The following STIM1 variants were observed in gnomAD, a reference collection of about 807,000 sequenced individuals.
STIM1 encodes stromal interaction molecule 1.
A neutral mutation model predicts 74.7 loss-of-function variants in STIM1; 25 were observed. The observed-to-expected ratio is 0.33, with a 90% CI of 0.24 to 0.47. The LOEUF (loss-of-function observed/expected upper bound fraction) is 0.47. STIM1 is among the 20% of genes least tolerant of loss of function. The pLI is 1.00. For missense variants in STIM1, 728 were observed against 920.8 expected (o/e 0.79, Z 2.71); for synonymous variants, 328 against 348.8 (o/e 0.94, Z 0.66).
chr11:3,903,631 G>A (rs1005274714), intron 1 of STIM1: 1 of 152,236 alleles, frequency 6.6e-6, no homozygotes, highest in African/African-American at 2.4e-5. Flanking sequence ...CTCTTGTGGG[G>A]TCAGTCCATC....
At chr11:3,995,106 G>T (rs1406455394) in intron 2 of STIM1, among the ~76,000 whole-genome samples, 2 of 149,882 alleles carry the variant, frequency 1.3e-5, no homozygotes, top group Non-Finnish European at 3.0e-5. Flanking sequence ...TTAATCTTTG[G>T]ACATATTTAT....
intron 5 of STIM1, among the ~76,000 whole-genome samples, chr11:4,069,739 T>C: frequency 6.6e-6 from 1 of 152,268 alleles, no homozygotes; most frequent in East Asian, 1.9e-4. Context: ...GAGAAGGCAC[T>C]AGTTCTCTCC....
At chr11:4,027,300 CTTTTCTTTTTTTTCTT>C (rs1326779556) in intron 3 of STIM1, among the ~76,000 whole-genome samples, 3 of 151,944 alleles carry the variant, frequency 2.0e-5, no homozygotes, top group South Asian at 4.2e-4. Context: ...GGGGATTCGC[CTTTTCTTTTTTTTCTT>C]TTTTCTTTTT....
At chr11:3,922,809 C>T (rs920028906) in intron 1 of STIM1, 1 of 151,884 alleles carries the variant, frequency 6.6e-6, no homozygotes, top group Non-Finnish European at 1.5e-5. Flanking sequence ...AAAAATAACT[C>T]TTTGCAGGCC....
At chr11:3,960,581 T>C (rs1393561356) in intron 1 of STIM1, among the ~76,000 whole-genome samples, 3 of 152,256 alleles carry the variant, frequency 2.0e-5, no homozygotes, top group Non-Finnish European at 2.9e-5. Context: ...TGGATTTTAA[T>C]GTTAGAGGGT....
chr11:4,033,032 G>A (rs1410485535), intron 3 of STIM1, among the ~76,000 whole-genome samples: 1 of 152,010 alleles, frequency 6.6e-6, no homozygotes, highest in Non-Finnish European at 1.5e-5. Flanking sequence ...ATTGATTTTT[G>A]TATAAGGTGT....
At chr11:4,068,207 T>C (rs2094380555) in intron 5 of STIM1, among the ~76,000 whole-genome samples, 1 of 152,196 alleles carries the variant, frequency 6.6e-6, no homozygotes, top group Admixed American at 6.5e-5. Flanking sequence ...TGGATGAGAA[T>C]ATGAAGCTGG....
chr11:3,860,094 CATAA>C (rs1240771264), intron 1 of STIM1, among the ~76,000 whole-genome samples: 1 of 152,060 alleles, frequency 6.6e-6, no homozygotes, highest in African/African-American at 2.4e-5. Context: ...ATAATAAACA[CATAA>C]ATAAATATAT....
At chr11:4,074,730 G>A (rs1161654919) in intron 7 of STIM1, 51 bp downstream of exon 7, 31 of 1,539,234 alleles carry the variant, frequency 2.0e-5, no homozygotes, top group Non-Finnish European at 2.6e-5. Flanking sequence ...GTAAAGGGCA[G>A]GGGCCCAGGG....
At chr11:3,974,945 A>G (rs1469269317) in intron 2 of STIM1, among the ~76,000 whole-genome samples, 6 of 152,184 alleles carry the variant, frequency 3.9e-5, no homozygotes, top group African/African-American at 1.2e-4. Flanking sequence ...GAGCAGTGCT[A>G]TTTTCTTTTC....
chr11:3,917,432 T>A (rs1252517613), intron 1 of STIM1, among the ~76,000 whole-genome samples: 1 of 149,002 alleles, frequency 6.7e-6, no homozygotes, highest in Non-Finnish European at 1.5e-5. Context: ...TCACAGGGTT[T>A]CTGTTTTTTT....
At chr11:3,877,095 C>CCTTAAGGCTTTACTTAAG (rs2091329518) in intron 1 of STIM1, among the ~76,000 whole-genome samples, 1 of 144,390 alleles carries the variant, frequency 6.9e-6, no homozygotes, top group African/African-American at 2.7e-5. Context: ...TTACAGTAAG[C>CCTTAAGGCTTTACTTAAG]GCTTAAGGAA....
chr11:3,967,444 T>A, intron 1 of STIM1, 108 bp from the exon 2 acceptor site: 1 of 1,547,920 alleles, frequency 6.5e-7, no homozygotes. Flanking sequence ...GCCAGTTAAG[T>A]GCCTACATGA....
intron 1 of STIM1, among the ~76,000 whole-genome samples, chr11:3,963,259 C>T (rs2093306719): frequency 6.6e-6 from 1 of 152,152 alleles, no homozygotes; most frequent in Admixed American, 6.5e-5. Flanking sequence ...CTCCGAAAGG[C>T]CCCAGTGTGT....
At chr11:4,011,978 G>A (rs1330847239) in intron 2 of STIM1, among the ~76,000 whole-genome samples, 3 of 152,130 alleles carry the variant, frequency 2.0e-5, no homozygotes, top group African/African-American at 4.8e-5. Context: ...TATTAAATAG[G>A]GAATCCCTTC....
chr11:3,861,171 GCTAC>G (rs2090583862), intron 1 of STIM1, among the ~76,000 whole-genome samples: 1 of 146,412 alleles, frequency 6.8e-6, no homozygotes, highest in South Asian at 2.3e-4. Context: ...TTGTTGGCTA[GCTAC>G]CTCACATGAG....
Position 4,091,920 on chromosome 11 carries a change from G to T in STIM1, c.*122G>T, listed in dbSNP as rs1565174471. 3.7e-6 allele frequency: 5 copies of T among 1,365,148 alleles called. No individual in the cohort carries two copies. The highest frequency in any genetic ancestry group is 5.1e-6 in the Non-Finnish European group (5 of 988,390). The allele number at this position is 1,365,148 out of a possible 1,614,324, so 84.6% of individuals were successfully genotyped here. On this transcript the variant is annotated 3_prime_UTR_variant, in exon 13 of 13. Coordinates refer to ENST00000526596, the MANE Select transcript of STIM1 (RefSeq NM_001382567.1). The stretch of plus-strand genomic sequence containing the variant: ...GGGCATGGGAAGGGCTGGTCCAGGG[G>T]TCTGGGCACTGTACATACCTGCCCC...
chr11:4,085,185 C>T (rs543609236), intron 11 of STIM1, among the ~76,000 whole-genome samples: 2 of 151,280 alleles, frequency 1.3e-5, no homozygotes, highest in African/African-American at 2.4e-5. Context: ...GCCTCTCTTT[C>T]GTACCTTGAA....
intron 1 of STIM1, among the ~76,000 whole-genome samples, chr11:3,859,500 G>C (rs549843415): frequency 6.6e-6 from 1 of 152,366 alleles, no homozygotes; most frequent in African/African-American, 2.4e-5. Flanking sequence ...ACCTCAGGTG[G>C]AGTCTGGAGT....
Sources: allele counts gnomAD v4.1 joint callset (sites outside exome capture counted in the v4.1 genomes callset), GRCh38; gene constraint gnomAD v4.1.1; transcripts MANE v1.5; gene names NCBI Gene and HGNC (gene_info 2026-07-23, HGNC 2026-07-21).